UPF1: variants seen among roughly 807,000 people sequenced by gnomAD.
The protein encoded by UPF1 is UPF1 RNA helicase and ATPase, also known as regulator of nonsense transcripts 1.
UPF1 carries 9 observed loss-of-function variants against 129.2 expected under a neutral mutation model. That is an observed-to-expected ratio of 0.07 (90% CI 0.04 to 0.12). UPF1 has a LOEUF of 0.12. UPF1 is among the 10% of genes least tolerant of loss of function. The probability of loss-of-function intolerance (pLI) is 1.00; values close to 1 mark genes in which losing one functional copy is unlikely to be tolerated. For missense variants in UPF1, 788 were observed against 1,525.3 expected, an observed-to-expected ratio of 0.52 and a Z score of 8.05; for synonymous variants, 649 against 644.9, an observed-to-expected ratio of 1.01 and a Z score of -0.10.
chr19:18,858,159 G>C (rs1184962546), intron 15 of UPF1, among the ~76,000 whole-genome samples: 3 of 152,182 alleles, frequency 2.0e-5, no homozygotes, highest in African/African-American at 7.2e-5. Flanking sequence ...GGCGCTTGAA[G>C]GAAGTCCTTG....
At chr19:18,861,297 T>C (rs1465688244) in intron 17 of UPF1, among the ~76,000 whole-genome samples, 1 of 152,252 alleles carries the variant, frequency 6.6e-6, no homozygotes, top group South Asian at 2.1e-4. Context: ...GGTCTGTGCC[T>C]GCCACACACT....
Position 18,864,241 on chromosome 19 carries a change from G to A in UPF1, c.2847G>A (p.Arg949=). The stretch of plus-strand genomic sequence containing the variant: ...TCATCCCAGGCTCCGTCTATGATCG[G>A]AGCAGCCAGGGTGAGTCGCTCAGCA... ...EAIIPGSVYD[R]SSQGRPSSMY... is the part of the protein sequence containing the mutation. Residue 949 remains arginine (R), a synonymous_variant, in exon 20 of 24, where the codon CGG becomes CGA. Coordinates refer to ENST00000262803, the MANE Select transcript of UPF1 (RefSeq NM_002911.4). The A allele has an allele frequency of 6.2e-7, 1 of 1,612,910 alleles. No homozygotes were observed. The highest frequency in any genetic ancestry group is 8.5e-7 in the Non-Finnish European group (1 of 1,179,234).
intron 15 of UPF1, chr19:18,859,582 G>C (rs566003186): frequency 2.0e-5 from 3 of 152,350 alleles, no homozygotes; most frequent in South Asian, 4.1e-4. Context: ...TCAGCTCGAC[G>C]TGGGATCATA....
In UPF1 at chr19:18,852,295, A is replaced by G; in HGVS notation, c.971A>G (p.Gln324Arg). The G allele has an allele frequency of 6.2e-7, 1 of 1,613,302 alleles. No homozygotes were observed. The highest frequency in any genetic ancestry group is 8.5e-7 in the Non-Finnish European group (1 of 1,179,574). Residue 324 changes from glutamine (Q) to arginine (R), a missense_variant and splice_region_variant, in exon 6 of 24, where the codon CAG becomes CGG. Gln to Arg is a conservative substitution (Grantham distance 43). This residue lies in a region of UPF1 where 227 missense variants were observed against 517.9 expected (regional missense o/e 0.44). Transcript: ENST00000262803. The stretch of plus-strand genomic sequence containing the variant: ...TACGACAAGAAGCTGAAGGAGTCCC[A>G]GGTGATGTGTGCGAGAGGGCTTGGC... ...ADYDKKLKES[Q>R]TQDNITVRWD...
In UPF1 at chr19:18,857,031, T is replaced by A; in HGVS notation, c.1968+11T>A. On this transcript the variant is annotated intron_variant, in intron 14 of 23. Coordinates refer to ENST00000262803, the MANE Select transcript of UPF1 (RefSeq NM_002911.4). ...CTCGGGGCCAAGCAGGTGGGCTGCC[T>A]CCCCTGCCCTCCTGTGTGAAAACTC... 1 of 1,600,870 alleles carries A rather than the reference T, an allele frequency of 6.2e-7. No homozygotes were observed. The highest frequency in any genetic ancestry group is 1.1e-5 in the South Asian group (1 of 89,864).
rs1490913748 is a variant in UPF1, at chr19:18,832,500, C to A, written c.231+60C>A. ...CCGGCCTCGGCGCCTGAGACCTGCC[C>A]CGAACTCGCCTCGGGCCCGGCCTGT... On this transcript the variant is annotated intron_variant, in intron 1 of 23. Transcript: ENST00000262803. This position sits in a 1 kb window ranked among gnomAD's most constrained non-coding sequence, Gnocchi z 5.6. 17 of 988,754 alleles carry A rather than the reference C, an allele frequency of 1.7e-5. No homozygotes were observed. The highest frequency in any genetic ancestry group is 6.0e-5 in the Admixed American group (1 of 16,562). The allele number at this position is 988,754 out of a possible 1,614,324, so 61.2% of individuals were successfully genotyped here.
Position 18,856,134 on chromosome 19 carries a change from C to T in UPF1, c.1709+45C>T, listed in dbSNP as rs377564592. On this transcript the variant is annotated intron_variant, in intron 12 of 23. Coordinates refer to ENST00000262803, the MANE Select transcript of UPF1 (RefSeq NM_002911.4). The stretch of plus-strand genomic sequence containing the variant: ...CTCCCAGTTGGTCCCTGAGCTTCTG[C>T]GGGTGACATGTACAGAACTCAGGCA... 2.3e-4 allele frequency: 363 copies of T among 1,607,268 alleles called. 3 individuals are homozygous for T. In the Middle Eastern group the frequency reaches 5.8e-3, roughly 26 times the overall value.
Position 18,850,636 on chromosome 19 carries a change from C to A in UPF1, c.630-52C>A. The A allele has an allele frequency of 6.7e-7, 1 of 1,497,216 alleles. No individual in the cohort carries two copies. Among genetic ancestry groups the A allele is most frequent in the South Asian group, 1.3e-5 (1 of 74,516 alleles). 92.7% of individuals were successfully genotyped at this position (1,497,216 alleles called of 1,614,324 possible). Reference sequence around the variant, plus strand: ...AGCATGGGAGGGGGCCCTCCCTGCTCCGGGGCTTCAGGGACGGGAGCTGGT... The same window carrying A: ...AGCATGGGAGGGGGCCCTCCCTGCTACGGGGCTTCAGGGACGGGAGCTGGT... On this transcript the variant is annotated intron_variant, in intron 4 of 23. Transcript: ENST00000262803. This position sits in a 1 kb window ranked among gnomAD's most constrained non-coding sequence, Gnocchi z 7.1.
At chr19:18,852,432 A>G (rs2055669873) in intron 6 of UPF1, 136 bp downstream of exon 6, 4 of 1,323,716 alleles carry the variant, frequency 3.0e-6, no homozygotes, top group Non-Finnish European at 4.1e-6. Context: ...GAGAGTTGGA[A>G]CTTGCGGATC....
Position 18,863,576 on chromosome 19 carries a change from C to G in UPF1, c.2739C>G (p.Phe913Leu). Residue 913 changes from phenylalanine to leucine, a missense_variant, in exon 19 of 24, where the codon TTC becomes TTG. Physicochemically the swap from Phe to Leu is conservative, Grantham distance 22. This residue lies in a region of UPF1 where 218 missense variants were observed against 318.1 expected (regional missense o/e 0.69). Coordinates refer to ENST00000262803, the MANE Select transcript of UPF1 (RefSeq NM_002911.4). ...LNNLRESLMQ[F>L]SKPRKLVNTI... ...ACCTGCGTGAGAGCCTCATGCAGTTCAGCAAGCCACGGAAGCTGGTCAACA... is the reference window on the plus strand; with the variant it reads ...ACCTGCGTGAGAGCCTCATGCAGTTGAGCAAGCCACGGAAGCTGGTCAACA... 6.2e-7 allele frequency: 1 copy of G among 1,613,774 alleles called. No individual in the cohort carries two copies. The highest frequency in any genetic ancestry group is 8.5e-7 in the Non-Finnish European group (1 of 1,179,894).
At chr19:18,863,281 G>T in intron 18 of UPF1, 157 bp from the exon 19 acceptor site, 2 of 954,636 alleles carry the variant, frequency 2.1e-6, no homozygotes, top group Non-Finnish European at 1.6e-6. Flanking sequence ...ATTGGGCTTT[G>T]GGGCCTGTCC....
At chr19:18,857,782 A>C (rs567033891) in intron 15 of UPF1, among the ~76,000 whole-genome samples, 1 of 152,330 alleles carries the variant, frequency 6.6e-6, no homozygotes, top group Admixed American at 6.5e-5. Flanking sequence ...TCCAAGCCTC[A>C]TGTGGCAGCA....
At chr19:18,856,365 C>G in intron 13 of UPF1, 65 bp downstream of exon 13, 1 of 1,440,172 alleles carries the variant, frequency 6.9e-7, no homozygotes, top group African/African-American at 1.4e-5. Context: ...TTGTTTGGGC[C>G]AAAGCACCTA....
At chr19:18,836,586 A>T (rs985695076) in intron 1 of UPF1, among the ~76,000 whole-genome samples, 1 of 152,082 alleles carries the variant, frequency 6.6e-6, no homozygotes, top group South Asian at 2.1e-4. Context: ...GGGGTAATGG[A>T]CGTTTTTATT....
chr19:18,866,079 C>A lies in UPF1; in HGVS notation c.3273C>A (p.Ile1091=), dbSNP rs749183647. Residue 1091 remains isoleucine (I), a synonymous_variant, in exon 23 of 24, where the codon ATC becomes ATA. Transcript: ENST00000262803. ...TTGGTGACGAGTTTAAATCACAAAT[C>A]GACGTGGCGCTCTCACAGGACTCCA... The part of the protein sequence containing the change: ...SYLGDEFKSQ[I]DVALSQDSTY... 4 of 1,613,240 alleles carry A rather than the reference C, an allele frequency of 2.5e-6. No homozygotes were observed. The highest frequency in any genetic ancestry group is 1.7e-6 in the Non-Finnish European group (2 of 1,179,880).
At chr19:18,866,018 G>A (rs765851302) in intron 22 of UPF1, 26 bp from the exon 23 acceptor site, 74 of 1,611,362 alleles carry the variant, frequency 4.6e-5, no homozygotes, top group Admixed American at 6.7e-5. Context: ...CCTGTGGCTT[G>A]CTTACCTCCT....
rs770254319 is a variant in UPF1 at position 18,850,889 on chromosome 19, G to A, written c.810+21G>A. The A allele has an allele frequency of 3.3e-6, 5 of 1,534,228 alleles. No individual in the cohort carries two copies. The South Asian group carries it at 3.7e-5, about 11-fold the overall frequency. ...GGAAGGTGGGGCTGCCCAGCGGGCCGACCCGTGCCTTCGTGTGGTTTCTGG... is the reference window on the plus strand; with the variant it reads ...GGAAGGTGGGGCTGCCCAGCGGGCCAACCCGTGCCTTCGTGTGGTTTCTGG... On this transcript the variant is annotated intron_variant, in intron 5 of 23. Coordinates refer to ENST00000262803, the MANE Select transcript of UPF1 (RefSeq NM_002911.4). The surrounding 1 kb of genome is among the most constrained non-coding windows in gnomAD (Gnocchi z 7.1).
At chr19:18,839,131 G>A (rs546407535) in intron 1 of UPF1, among the ~76,000 whole-genome samples, 151 of 152,174 alleles carry the variant, frequency 9.9e-4, no homozygotes, top group Middle Eastern at 3.4e-3. Context: ...TCGCACTGTC[G>A]CCCAGGCTGG....
In UPF1 at chr19:18,834,178, A is replaced by T. The variant is rs1226857812; in HGVS notation, c.231+1738A>T. On this transcript the variant is annotated intron_variant, in intron 1 of 23. Coordinates refer to ENST00000262803, the MANE Select transcript of UPF1 (RefSeq NM_002911.4). Reference sequence around the variant, plus strand: ...TTAAACATAAAGGAAACCTAGATCCATGTGTGAGTCGACTGTATACGCTGT... The same window carrying T: ...TTAAACATAAAGGAAACCTAGATCCTTGTGTGAGTCGACTGTATACGCTGT... 2.0e-5 allele frequency among the ~76,000 whole-genome samples: 3 copies of T among 152,098 alleles called. No individual in the cohort carries two copies. The South Asian group carries it at 6.2e-4, about 32-fold the overall frequency.
Sources: gnomAD v4.1 joint callset for allele counts (sites outside exome capture counted in the v4.1 genomes callset) on GRCh38, gnomAD v4.1.1 for gene constraint, gnomAD v4.1.1 regional missense constraint, Gnocchi (gnomAD v3.1) non-coding constraint, MANE v1.5 for transcripts, NCBI Gene and HGNC (gene_info 2026-07-23, HGNC 2026-07-21) for gene names.